The following RIMS2 variants were observed in gnomAD, a reference collection of about 807,000 sequenced individuals.
RIMS2 encodes the protein regulating synaptic membrane exocytosis protein 2.
A neutral mutation model predicts 174.4 loss-of-function variants in RIMS2; 59 were observed. That is an observed-to-expected ratio of 0.34 (90% CI 0.27 to 0.42). RIMS2 has a LOEUF of 0.42. Among genes scored for constraint, RIMS2 ranks in the 10% least tolerant of loss-of-function variants. The pLI is 1.00. For missense variants in RIMS2, 1,620 were observed against 1,666.3 expected (o/e 0.97, Z 0.48); for synonymous variants, 606 against 572.5 (o/e 1.06, Z -0.84).
chr8:103,849,354 A>T (rs2098984922), intron 3 of RIMS2, among the ~76,000 whole-genome samples: 1 of 152,094 alleles, frequency 6.6e-6, no homozygotes, highest in African/African-American at 2.4e-5. Flanking sequence ...ATTTCTGTAC[A>T]CATGAGTTAA....
chr8:103,672,126 T>C (rs916430970), intron 1 of RIMS2, among the ~76,000 whole-genome samples: 1 of 152,076 alleles, frequency 6.6e-6, no homozygotes, highest in Non-Finnish European at 1.5e-5. Flanking sequence ...AGCAAAAATC[T>C]GTTTTCAGTT....
chr8:104,165,315 T>A (rs1218882040), intron 19 of RIMS2, among the ~76,000 whole-genome samples: 1 of 152,178 alleles, frequency 6.6e-6, no homozygotes, highest in Non-Finnish European at 1.5e-5. Context: ...TCAATCACAA[T>A]AAAATTCCCT....
chr8:103,751,739 TGTC>T (rs2097894722), intron 2 of RIMS2, among the ~76,000 whole-genome samples: 1 of 150,948 alleles, frequency 6.6e-6, no homozygotes, highest in African/African-American at 2.4e-5. Flanking sequence ...GCTGCATAAA[TGTC>T]TTCTTCTGAG....
intron 3 of RIMS2, among the ~76,000 whole-genome samples, chr8:103,791,443 C>T (rs993930614): frequency 2.6e-5 from 4 of 152,162 alleles, no homozygotes; most frequent in South Asian, 2.1e-4. Context: ...AAAGGAACAA[C>T]CCGTACGAGC....
Position 104,148,602 on chromosome 8 carries a change from G to T in RIMS2, c.3335-96314G>T. The T allele has an allele frequency of 6.3e-7, 1 of 1,596,232 alleles. No individual in the cohort carries two copies. Among genetic ancestry groups the T allele is most frequent in the South Asian group, 1.1e-5 (1 of 90,744 alleles). ...CCTCACTTTTAATGATCCATCGGCT[G>T]ACAGTGTCTTTACATCCAAAATGCA... is the stretch of plus-strand genomic sequence containing the variant. On this transcript the variant is annotated intron_variant, in intron 19 of 23. Transcript: ENST00000504942.
intron 2 of RIMS2, among the ~76,000 whole-genome samples, chr8:103,733,038 A>C (rs1297483528): frequency 6.6e-6 from 1 of 152,052 alleles, no homozygotes; most frequent in Non-Finnish European, 1.5e-5. Context: ...GTGCTGAGTA[A>C]CACCTGAGGG....
chr8:104,113,372 T>C lies in RIMS2; in HGVS notation c.3334+98757T>C, dbSNP rs181645833. Among the ~76,000 whole-genome samples, 10 of 152,304 alleles carry C rather than the reference T, an allele frequency of 6.6e-5. No homozygotes were observed. The East Asian group carries it at 1.9e-3, about 29-fold the overall frequency. ...GCCCTCTACCTTATGAGGCAGTTCA[T>C]ATTCTTGGACATTTGTAATTATTAT... On this transcript the variant is annotated intron_variant, in intron 19 of 23. Transcript: ENST00000504942.
intron 17 of RIMS2, among the ~76,000 whole-genome samples, chr8:104,004,955 G>A (rs2095520323): frequency 6.6e-6 from 1 of 152,178 alleles, no homozygotes; most frequent in Admixed American, 6.5e-5. Context: ...GGGAATCTGA[G>A]CGCTGTATGG....
intron 3 of RIMS2, among the ~76,000 whole-genome samples, chr8:103,815,008 G>A (rs1226479650): frequency 6.6e-6 from 1 of 152,142 alleles, no homozygotes; most frequent in South Asian, 2.1e-4. Context: ...GTTAAAGATT[G>A]TTATAATTTT....
At chr8:103,613,475 A>C (rs1462891562) in intron 1 of RIMS2, among the ~76,000 whole-genome samples, 1 of 152,194 alleles carries the variant, frequency 6.6e-6, no homozygotes, top group East Asian at 1.9e-4. Flanking sequence ...GGCCTAGGGC[A>C]GGTCCAGAAA....
Position 103,783,707 on chromosome 8 carries a change from G to A in RIMS2, c.698+17170G>A, listed in dbSNP as rs200087691. On this transcript the variant is annotated intron_variant, in intron 3 of 23. Coordinates refer to ENST00000504942, the Ensembl canonical transcript of RIMS2. ...GTTGGTTCCAAGTCTTTGCTATTGT[G>A]AATAATGCTGCAATAAACATATGTG... Among the ~76,000 whole-genome samples, 15 of 151,974 alleles carry A rather than the reference G, an allele frequency of 9.9e-5. No individual in the cohort carries two copies. The East Asian group carries it at 1.4e-3, about 14-fold the overall frequency.
At chr8:103,742,078 A>G (rs533269334) in intron 2 of RIMS2, among the ~76,000 whole-genome samples, 14 of 152,066 alleles carry the variant, frequency 9.2e-5, no homozygotes, top group Admixed American at 2.0e-4. Flanking sequence ...TGATACTCCA[A>G]TCAGGACTCA....
In RIMS2 at chr8:103,755,004, A is replaced by G. The variant is rs576846564; in HGVS notation, c.388-11223A>G. ...AGCTGGTTATTTTGCCCGTTAGTTT[A>G]TGCAGTTCCTTCATAGTGTCCATGG... On this transcript the variant is annotated intron_variant, in intron 2 of 23. Coordinates refer to ENST00000504942, the Ensembl canonical transcript of RIMS2. Among the ~76,000 whole-genome samples the G allele has an allele frequency of 5.9e-5, 9 of 152,274 alleles. No homozygotes were observed. The East Asian group carries it at 1.7e-3, about 29-fold the overall frequency.
At chr8:103,637,677 C>T (rs1192595332) in intron 1 of RIMS2, among the ~76,000 whole-genome samples, 1 of 151,994 alleles carries the variant, frequency 6.6e-6, no homozygotes, top group Non-Finnish European at 1.5e-5. Flanking sequence ...TTTCTGCAGT[C>T]AACAATTTAC....
chr8:103,899,805 C>T lies in RIMS2; in HGVS notation c.1625-10329C>T, dbSNP rs1480893775. Among the ~76,000 whole-genome samples, 3 of 151,676 alleles carry T rather than the reference C, an allele frequency of 2.0e-5. No homozygotes were observed. The East Asian group carries it at 5.8e-4, about 29-fold the overall frequency. On this transcript the variant is annotated intron_variant, in intron 4 of 23. Transcript: ENST00000504942. Reference sequence around the variant, plus strand: ...ATGAAGTCCTTGCCCATGCCTATGTCCTGAATGGTATTACCTAGGTTTTCT... The same window carrying T: ...ATGAAGTCCTTGCCCATGCCTATGTTCTGAATGGTATTACCTAGGTTTTCT...
At chr8:103,870,349 T>TCACCACCACCACCATCAC (rs1031751357) in intron 3 of RIMS2, among the ~76,000 whole-genome samples, 1 of 150,854 alleles carries the variant, frequency 6.6e-6, no homozygotes, top group Non-Finnish European at 1.5e-5. Context: ...ACCACTCTTA[T>TCACCACCACCACCATCAC]CACCACCACC....
intron 19 of RIMS2, 118 bp downstream of exon 23, chr8:104,068,730 G>A (rs933307515): frequency 6.7e-6 from 4 of 594,756 alleles, no homozygotes; most frequent in Non-Finnish European, 8.9e-6. Context: ...ATGGCCCCAT[G>A]ATATTATTAA....
At chr8:103,857,254 T>C (rs2154495448) in intron 3 of RIMS2, among the ~76,000 whole-genome samples, 1 of 152,358 alleles carries the variant, frequency 6.6e-6, no homozygotes, top group East Asian at 1.9e-4. Context: ...ACTGCGGACA[T>C]GGCTAGTGCC....
chr8:104,219,658 T>G (rs538614368), intron 19 of RIMS2, among the ~76,000 whole-genome samples: 1 of 152,314 alleles, frequency 6.6e-6, no homozygotes, highest in East Asian at 1.9e-4. Flanking sequence ...GGCCGTGTTT[T>G]GCTTTTAGAT....
Sources: allele counts gnomAD v4.1 joint callset (sites outside exome capture counted in the v4.1 genomes callset), GRCh38; gene constraint gnomAD v4.1.1; transcripts MANE v1.5; gene names NCBI Gene and HGNC (gene_info 2026-07-23, HGNC 2026-07-21).